Variants in NKAIN3 observed in about 807,000 individuals in gnomAD.
NKAIN3 encodes sodium/potassium transporting ATPase interacting 3, also known as sodium/potassium-transporting ATPase subunit beta-1-interacting protein 3.
NKAIN3 carries 25 observed loss-of-function variants against 30.2 expected under a neutral mutation model. The ratio of observed to expected loss-of-function variants is 0.83; its 90% CI spans 0.60 to 1.16. The LOEUF (loss-of-function observed/expected upper bound fraction) is 1.16. NKAIN3 is among the 50% of genes most tolerant of loss of function. NKAIN3 has a pLI of 0.00. For synonymous variants in NKAIN3, 91 were observed against 89.6 expected (o/e 1.02, Z -0.09); for missense variants, 225 against 254.1 (o/e 0.89, Z 0.78).
intron 1 of NKAIN3, among the ~76,000 whole-genome samples, chr8:62,338,750 G>A (rs1280985772): frequency 6.6e-6 from 1 of 151,990 alleles, no homozygotes; most frequent in African/African-American, 2.4e-5. Context: ...GAAGGGTCCA[G>A]CAAGGGAGAA....
intron 1 of NKAIN3, among the ~76,000 whole-genome samples, chr8:62,280,396 A>G (rs1813139048): frequency 6.6e-6 from 1 of 152,108 alleles, no homozygotes; most frequent in African/African-American, 2.4e-5. Context: ...CCCTGGCCAG[A>G]TCGTCCAACA....
chr8:62,554,121 T>C (rs1809311308), intron 1 of NKAIN3, among the ~76,000 whole-genome samples: 1 of 152,188 alleles, frequency 6.6e-6, no homozygotes, highest in East Asian at 1.9e-4. Context: ...GAGGGACATG[T>C]AATAGAGGCA....
intron 1 of NKAIN3, among the ~76,000 whole-genome samples, chr8:62,299,462 C>G (rs1016060716): frequency 2.0e-5 from 3 of 152,074 alleles, no homozygotes; most frequent in African/African-American, 4.8e-5. Flanking sequence ...GTTGGACTCC[C>G]AGGGCGACCA....
intron 4 of NKAIN3, among the ~76,000 whole-genome samples, chr8:62,807,089 GGATA>G (rs1472639704): frequency 3.3e-5 from 5 of 152,008 alleles, no homozygotes; most frequent in African/African-American, 7.2e-5. Flanking sequence ...TTACTTCAAA[GGATA>G]GATTTTCTTT....
At chr8:62,876,435 C>A (rs1247029630) in intron 4 of NKAIN3, among the ~76,000 whole-genome samples, 2 of 152,152 alleles carry the variant, frequency 1.3e-5, no homozygotes, top group African/African-American at 2.4e-5. Context: ...ATCAGAAATA[C>A]CATTTGACCC....
At chr8:62,548,139 A>G (rs912174162) in intron 1 of NKAIN3, among the ~76,000 whole-genome samples, 1 of 152,198 alleles carries the variant, frequency 6.6e-6, no homozygotes, top group Non-Finnish European at 1.5e-5. Flanking sequence ...ACCTGCACAC[A>G]AGTGAACAGA....
chr8:62,487,946 T>C (rs1190406230), intron 1 of NKAIN3, among the ~76,000 whole-genome samples: 2 of 152,182 alleles, frequency 1.3e-5, no homozygotes, highest in East Asian at 3.9e-4. Flanking sequence ...ATGTGAGAAC[T>C]TTGAGTGAGT....
chr8:62,385,517 G>A (rs1817401074), intron 1 of NKAIN3, among the ~76,000 whole-genome samples: 1 of 152,178 alleles, frequency 6.6e-6, no homozygotes, highest in African/African-American at 2.4e-5. Context: ...AGGGGAAAAG[G>A]GAAGTATTTT....
rs528988766 is a variant in NKAIN3 at position 62,432,440 on chromosome 8, A to G, written c.55-147099A>G. Among the ~76,000 whole-genome samples the G allele has an allele frequency of 7.9e-5, 12 of 152,266 alleles. No homozygotes were observed. In the East Asian group the frequency reaches 2.3e-3, roughly 29 times the overall value. On this transcript the variant is annotated intron_variant, in intron 1 of 6. Transcript: ENST00000623646. Reference sequence around the variant, plus strand: ...CTTCTGCATTAGCAGAGAGGATTGTAGAATGGTTTAGGTTTGTGACTCAGA... The same window carrying G: ...CTTCTGCATTAGCAGAGAGGATTGTGGAATGGTTTAGGTTTGTGACTCAGA...
intron 4 of NKAIN3, among the ~76,000 whole-genome samples, chr8:62,828,027 A>C (rs1819077468): frequency 6.6e-6 from 1 of 152,162 alleles, no homozygotes; most frequent in African/African-American, 2.4e-5. Context: ...GTCCTTCATC[A>C]GGTGAAGAGA....
At chr8:62,315,446 G>C (rs1396014281) in intron 1 of NKAIN3, among the ~76,000 whole-genome samples, 1 of 152,164 alleles carries the variant, frequency 6.6e-6, no homozygotes, top group Non-Finnish European at 1.5e-5. Flanking sequence ...TCCCTCAATA[G>C]TTCATAGTAT....
chr8:62,828,470 C>CA (rs1443681762), intron 4 of NKAIN3, among the ~76,000 whole-genome samples: 2 of 152,078 alleles, frequency 1.3e-5, no homozygotes, highest in African/African-American at 4.8e-5. Context: ...TTTACAATCA[C>CA]ATGGTTCATT....
intron 3 of NKAIN3, among the ~76,000 whole-genome samples, chr8:62,669,765 A>G (rs1205785943): frequency 1.3e-5 from 2 of 152,176 alleles, no homozygotes; most frequent in East Asian, 3.9e-4. Context: ...TGGGGTTGTC[A>G]GAAACCCACT....
chr8:62,808,325 C>T lies in NKAIN3; in HGVS notation c.471+61196C>T, dbSNP rs1156289969. Among the ~76,000 whole-genome samples, 5 of 152,214 alleles carry T rather than the reference C, an allele frequency of 3.3e-5. No homozygotes were observed. In the East Asian group the frequency reaches 9.7e-4, roughly 29 times the overall value. ...TTTGTTACTCCGAATGTCTTTATTT[C>T]AGTCTCATTTTATAATAGTAGTTCA... On this transcript the variant is annotated intron_variant, in intron 4 of 6. Transcript: ENST00000623646.
chr8:62,950,436 T>C (rs774687766), intron 5 of NKAIN3, among the ~76,000 whole-genome samples: 1 of 152,242 alleles, frequency 6.6e-6, no homozygotes, highest in Non-Finnish European at 1.5e-5. Context: ...TCTTGATATT[T>C]CAGTTTCTTT....
intron 1 of NKAIN3, among the ~76,000 whole-genome samples, chr8:62,463,268 T>C (rs766528348): frequency 6.6e-6 from 1 of 152,206 alleles, no homozygotes; most frequent in Non-Finnish European, 1.5e-5. Flanking sequence ...AAATTTTGAA[T>C]CTATCTTAGG....
intron 3 of NKAIN3, among the ~76,000 whole-genome samples, chr8:62,693,371 A>T (rs1284282736): frequency 6.6e-6 from 1 of 152,238 alleles, no homozygotes; most frequent in Admixed American, 6.5e-5. Context: ...TGGCAAGAGC[A>T]TGCCTTTCAA....
intron 1 of NKAIN3, among the ~76,000 whole-genome samples, chr8:62,418,142 T>C (rs1804511289): frequency 6.6e-6 from 1 of 152,146 alleles, no homozygotes; most frequent in African/African-American, 2.4e-5. Context: ...ATTCAGGAAC[T>C]CTGTTCCCTG....
At chr8:62,691,208 T>C (rs998570645) in intron 3 of NKAIN3, among the ~76,000 whole-genome samples, 4 of 152,118 alleles carry the variant, frequency 2.6e-5, no homozygotes, top group African/African-American at 9.7e-5. Context: ...TCTCCTACAT[T>C]GTAGAAGTGC....
Sources: gnomAD v4.1 joint callset for allele counts (sites outside exome capture counted in the v4.1 genomes callset) on GRCh38, gnomAD v4.1.1 for gene constraint, MANE v1.5 for transcripts, NCBI Gene and HGNC (gene_info 2026-07-23, HGNC 2026-07-21) for gene names.